Variants in SRPK2 observed in about 807,000 individuals in gnomAD.
The protein encoded by SRPK2 is SFRS protein kinase 2.
Under a neutral mutation model 90.8 loss-of-function variants are expected in SRPK2, and 21 were observed. The ratio of observed to expected loss-of-function variants is 0.23; its 90% CI spans 0.16 to 0.33. The LOEUF is 0.33. Ranked by LOEUF, SRPK2 falls within the 10% of genes least tolerant of loss-of-function variation. The probability of loss-of-function intolerance (pLI) is 1.00; values close to 1 mark genes in which losing one functional copy is unlikely to be tolerated. For missense variants in SRPK2, 620 were observed against 869.0 expected (o/e 0.71, Z 3.60); for synonymous variants, 288 against 311.1 (o/e 0.93, Z 0.78).
chr7:105,237,109 G>A (rs1233896557), intron 2 of SRPK2, among the ~76,000 whole-genome samples: 2 of 152,204 alleles, frequency 1.3e-5, no homozygotes, highest in African/African-American at 4.8e-5. Flanking sequence ...AGAAACCCAA[G>A]ATACTGCAGC....
At position 105,376,014 on chromosome 7, in the gene SRPK2, GAC is replaced by G. The variant is rs1820244978; in HGVS notation, c.71+12632_71+12633del. ...TTTTTTTTTTTTTTTTTTTTTTTGAGACAGAGTCTCTGTCTGCCACCCAGGCT... is the reference window on the plus strand; with the variant it reads ...TTTTTTTTTTTTTTTTTTTTTTTGAGAGAGTCTCTGTCTGCCACCCAGGCT... On this transcript the variant is annotated intron_variant, in intron 2 of 15. Transcript: ENST00000393651. 7.3e-5 allele frequency among the ~76,000 whole-genome samples: 2 copies of G among 27,248 alleles called. 1 individual carries two copies. The highest frequency in any genetic ancestry group is 3.1e-3 in the South Asian group (2 of 646). 17.9% of individuals were successfully genotyped at this position (27,248 alleles called of 152,430 possible).
intron 2 of SRPK2, among the ~76,000 whole-genome samples, chr7:105,293,072 C>T (rs899927414): frequency 5.3e-5 from 8 of 151,934 alleles, no homozygotes; most frequent in South Asian, 2.1e-4. Flanking sequence ...GAGGGGGGCG[C>T]GGATCACCTG....
At chr7:105,374,879 T>A (rs1256915878) in intron 2 of SRPK2, among the ~76,000 whole-genome samples, 1 of 152,152 alleles carries the variant, frequency 6.6e-6, no homozygotes, top group African/African-American at 2.4e-5. Context: ...ACTGCTGGAA[T>A]TACAGGCTTG....
At chr7:105,160,471 G>A in intron 7 of SRPK2, 36 bp downstream of exon 7, 2 of 1,258,220 alleles carry the variant, frequency 1.6e-6, no homozygotes, top group Admixed American at 1.7e-5. Flanking sequence ...AACCAATTAG[G>A]TACTAGGGCC....
Position 105,160,612 on chromosome 7 carries a change from A to G in SRPK2, c.516T>C (p.His172=). The G allele has an allele frequency of 6.2e-7, 1 of 1,601,536 alleles. No homozygotes were observed. The highest frequency in any genetic ancestry group is 8.6e-7 in the Non-Finnish European group (1 of 1,168,648). Residue 172 remains histidine, a splice_region_variant and synonymous_variant, in exon 7 of 16, where the codon CAT becomes CAC. Transcript: ENST00000393651. ...CAAGTACTTCGAAGACCATGCAGAC[A>G]TCTGGGACACAGTTAAGGATCGTTT... ...DFKISGMNGI[H]VCMVFEVLGH...
chr7:105,203,582 C>G, intron 3 of SRPK2, 46 bp downstream of exon 3: 1 of 1,454,898 alleles, frequency 6.9e-7, no homozygotes, highest in East Asian at 2.6e-5. Context: ...TACTACACAG[C>G]CCAATGGGGA....
intron 15 of SRPK2, among the ~76,000 whole-genome samples, chr7:105,121,387 A>AAAGG (rs113900008): frequency 2.7e-5 from 4 of 148,434 alleles, no homozygotes; most frequent in Non-Finnish European, 5.9e-5. Context: ...TAAAAAAAAA[A>AAAGG]AGAGAGAAAA....
intron 2 of SRPK2, among the ~76,000 whole-genome samples, chr7:105,293,771 T>TA: frequency 6.6e-6 from 1 of 152,282 alleles, no homozygotes; most frequent in South Asian, 2.1e-4. Context: ...CAAGATAAGA[T>TA]ATGTCCAATG....
At chr7:105,198,625 T>C (rs573395026) in intron 3 of SRPK2, among the ~76,000 whole-genome samples, 2 of 152,202 alleles carry the variant, frequency 1.3e-5, no homozygotes, top group Admixed American at 6.5e-5. Context: ...CTGATGGGTA[T>C]AGACAGCATG....
chr7:105,365,875 T>C (rs796746214), intron 2 of SRPK2, among the ~76,000 whole-genome samples: 22 of 151,840 alleles, frequency 1.4e-4, no homozygotes, highest in African/African-American at 5.3e-4. Flanking sequence ...TTTTTTTTTT[T>C]AGACGGAGTC....
intron 2 of SRPK2, among the ~76,000 whole-genome samples, chr7:105,305,404 CCA>C (rs1030276976): frequency 6.8e-4 from 98 of 144,378 alleles, no homozygotes; most frequent in African/African-American, 2.4e-3. Flanking sequence ...CGAGACTGTG[CCA>C]CACAGTCTCG....
intron 3 of SRPK2, among the ~76,000 whole-genome samples, chr7:105,178,227 C>T (rs1368416358): frequency 6.6e-6 from 1 of 151,802 alleles, no homozygotes; most frequent in Non-Finnish European, 1.5e-5. Context: ...AATAATAATA[C>T]TAAATATAAA....
At chr7:105,389,163 G>C, upstream of SRPK2, 1 of 1,022,800 alleles carries the variant, frequency 9.8e-7, no homozygotes, top group Non-Finnish European at 1.2e-6. Flanking sequence ...GCGATCCTGC[G>C]GCTGGCCCAG....
intron 2 of SRPK2, chr7:105,268,888 AT>A (rs776294141): frequency 6.3e-7 from 1 of 1,580,254 alleles, no homozygotes; most frequent in South Asian, 1.1e-5. Flanking sequence ...ATCAGAAAAT[AT>A]TCACAACCAA....
intron 2 of SRPK2, among the ~76,000 whole-genome samples, chr7:105,332,326 G>A (rs1407928720): frequency 6.6e-6 from 1 of 152,144 alleles, no homozygotes; most frequent in South Asian, 2.1e-4. Context: ...TGAAAATAAT[G>A]ATAGAAACTA....
rs58260372 is a variant in SRPK2 at position 105,170,899 on chromosome 7, GA to G, written c.230-1635del. 8.9e-4 allele frequency among the ~76,000 whole-genome samples: 65 copies of G among 73,264 alleles called. 2 individuals carry two copies. The highest frequency in any genetic ancestry group is 1.5e-3 in the African/African-American group (33 of 21,874). 48.1% of individuals were successfully genotyped at this position (73,264 alleles called of 152,430 possible). On this transcript the variant is annotated intron_variant, in intron 3 of 15. Coordinates refer to ENST00000393651, the MANE Select transcript of SRPK2 (RefSeq NM_182692.3). ...AGAAAGAAAGAAAGAAAGAAAGAAA[GA>G]AAGAAAGAAAGAAAGGAGAAAGAAA...
intron 2 of SRPK2, among the ~76,000 whole-genome samples, chr7:105,323,852 G>A (rs1365401380): frequency 6.6e-6 from 1 of 152,142 alleles, no homozygotes; most frequent in Non-Finnish European, 1.5e-5. Flanking sequence ...AAAAAATTCA[G>A]CTAAGGAGGC....
intron 2 of SRPK2, among the ~76,000 whole-genome samples, chr7:105,217,524 T>C (rs1354642841): frequency 6.6e-6 from 1 of 152,188 alleles, no homozygotes; most frequent in Non-Finnish European, 1.5e-5. Flanking sequence ...CAAATCCATA[T>C]ACCTGACAGA....
chr7:105,287,282 AAAG>A (rs770082066), intron 2 of SRPK2, among the ~76,000 whole-genome samples: 26,697 of 53,574 alleles, frequency 0.5, 5,644 homozygotes, highest in East Asian at 0.59. Context: ...AAAAAAAAAA[AAAG>A]AAGAAAAGGA....
Sources: allele counts gnomAD v4.1 joint callset (sites outside exome capture counted in the v4.1 genomes callset), GRCh38; gene constraint gnomAD v4.1.1; transcripts MANE v1.5; gene names NCBI Gene and HGNC (gene_info 2026-07-23, HGNC 2026-07-21).